The following AGTPBP1 variants were observed in gnomAD, a reference collection of about 807,000 sequenced individuals.
AGTPBP1 encodes ATP/GTP binding carboxypeptidase 1.
Under a neutral mutation model 143.9 loss-of-function variants are expected in AGTPBP1, and 70 were observed. The ratio of observed to expected loss-of-function variants is 0.49; its 90% CI spans 0.40 to 0.59. AGTPBP1 has a LOEUF of 0.59. Among genes scored for constraint, AGTPBP1 ranks in the 20% least tolerant of loss-of-function variants. The probability of loss-of-function intolerance (pLI) is 0.00; values close to 1 mark genes in which losing one functional copy is unlikely to be tolerated. For missense variants in AGTPBP1, 1,229 were observed against 1,464.5 expected (o/e 0.84, Z 2.62); for synonymous variants, 463 against 500.2 (o/e 0.93, Z 0.99).
intron 13 of AGTPBP1, among the ~76,000 whole-genome samples, chr9:85,637,704 T>C (rs1294123317): frequency 2.0e-5 from 3 of 152,208 alleles, no homozygotes. Flanking sequence ...TGACAAGAAA[T>C]ATTTCTGTCT....
At chr9:85,800,041 G>A in the AGTPBP1 span, among the ~76,000 whole-genome samples, 1 of 152,128 alleles carries the variant, frequency 6.6e-6, no homozygotes, top group Non-Finnish European at 1.5e-5. Context: ...AGCATTCCAG[G>A]ATCTGAATTT....
In AGTPBP1 at chr9:85,589,428, T is replaced by C. The variant is rs1828816755; in HGVS notation, c.2722+100A>G. On this transcript the variant is annotated intron_variant, in intron 20 of 25. Coordinates refer to ENST00000357081, the MANE Select transcript of AGTPBP1 (RefSeq NM_001330701.2). Reference sequence around the variant, plus strand: ...GGCCAAGACTAGAGCCCAAGTCTTCTGATGTCTGTTCCTATTATCATTTCC... The same window carrying C: ...GGCCAAGACTAGAGCCCAAGTCTTCCGATGTCTGTTCCTATTATCATTTCC... The C allele has an allele frequency of 2.1e-6, 3 of 1,433,418 alleles. No individual in the cohort carries two copies. The African/African-American group carries it at 4.3e-5, about 21-fold the overall frequency. The allele number at this position is 1,433,418 out of a possible 1,614,324, so 88.8% of individuals were successfully genotyped here.
chr9:85,704,674 A>G (rs1052313256), intron 2 of AGTPBP1, among the ~76,000 whole-genome samples: 16 of 152,232 alleles, frequency 1.1e-4, no homozygotes, highest in Non-Finnish European at 1.5e-5. Flanking sequence ...GAATACAAAA[A>G]TGTCCAGGAC....
chr9:85,689,258 C>T (rs748622074), intron 3 of AGTPBP1, among the ~76,000 whole-genome samples: 8 of 152,096 alleles, frequency 5.3e-5, no homozygotes, highest in Non-Finnish European at 1.0e-4. Context: ...GCCCACAAAG[C>T]CTAAAATATG....
chr9:85,681,449 C>G (rs1472310471), intron 3 of AGTPBP1, 114 bp from the exon 4 acceptor site: 1 of 799,866 alleles, frequency 1.3e-6, no homozygotes, highest in African/African-American at 1.7e-5. Context: ...AGTAAACACT[C>G]TAACTTGGTT....
At chr9:85,655,358 TG>T in intron 10 of AGTPBP1, 38 bp from the exon 11 acceptor site, 1 of 1,463,222 alleles carries the variant, frequency 6.8e-7, no homozygotes, top group Non-Finnish European at 9.1e-7. Context: ...AGAATGTTTT[TG>T]ATGAATAACT....
intron 7 of AGTPBP1, 82 bp downstream of exon 7, chr9:85,672,468 G>A: frequency 1.4e-6 from 2 of 1,436,212 alleles, no homozygotes; most frequent in South Asian, 2.5e-5. Context: ...AATATCAGAG[G>A]TTTACAGAAT....
intron 17 of AGTPBP1, among the ~76,000 whole-genome samples, chr9:85,597,825 T>C (rs1439653306): frequency 6.6e-6 from 1 of 152,162 alleles, no homozygotes; most frequent in African/African-American, 2.4e-5. Context: ...TTGAACTATC[T>C]TTGCATTCTA....
the AGTPBP1 span, among the ~76,000 whole-genome samples, chr9:85,794,301 C>A: frequency 6.6e-6 from 1 of 152,140 alleles, no homozygotes; most frequent in African/African-American, 2.4e-5. Context: ...TTAAGTCTTA[C>A]ATTTGGGTCT....
At chr9:85,714,696 C>T (rs1203254481) in intron 1 of AGTPBP1, among the ~76,000 whole-genome samples, 1 of 152,090 alleles carries the variant, frequency 6.6e-6, no homozygotes, top group African/African-American at 2.4e-5. Context: ...GAATCTACAC[C>T]TTAATGTGTC....
chr9:85,608,399 G>C (rs1830111731), intron 17 of AGTPBP1, among the ~76,000 whole-genome samples: 1 of 151,880 alleles, frequency 6.6e-6, no homozygotes, highest in African/African-American at 2.4e-5. Flanking sequence ...GAATAAGATA[G>C]AACAATTGAA....
intron 1 of AGTPBP1, among the ~76,000 whole-genome samples, chr9:85,732,214 T>A (rs1480839540): frequency 6.2e-5 from 9 of 144,116 alleles, no homozygotes; most frequent in African/African-American, 2.1e-4. Flanking sequence ...ATGACCCTTT[T>A]TTTTTTTTTT....
At chr9:85,737,147 T>C (rs1355467050) in intron 1 of AGTPBP1, among the ~76,000 whole-genome samples, 1 of 152,166 alleles carries the variant, frequency 6.6e-6, no homozygotes, top group Non-Finnish European at 1.5e-5. Context: ...CCAATGTCAC[T>C]TAAGAATGTC....
chr9:85,766,762 A>G, the AGTPBP1 span, among the ~76,000 whole-genome samples: 4 of 152,168 alleles, frequency 2.6e-5, no homozygotes, highest in Non-Finnish European at 2.9e-5. Flanking sequence ...TAATATTCCA[A>G]ATAGATCTGT....
chr9:85,626,754 A>G (rs1355928708), intron 14 of AGTPBP1, among the ~76,000 whole-genome samples: 1 of 152,304 alleles, frequency 6.6e-6, no homozygotes, highest in East Asian at 1.9e-4. Flanking sequence ...TGGTAGCACA[A>G]AAACAGTCAT....
At chr9:85,735,495 C>T (rs1363543614) in intron 1 of AGTPBP1, among the ~76,000 whole-genome samples, 1 of 152,114 alleles carries the variant, frequency 6.6e-6, no homozygotes, top group African/African-American at 2.4e-5. Flanking sequence ...TACTTGATGC[C>T]ACTAAACTAC....
the AGTPBP1 span, chr9:85,770,189 T>C: frequency 6.3e-6 from 5 of 787,562 alleles, no homozygotes; most frequent in Non-Finnish European, 1.0e-5. Context: ...AGTGGTAATA[T>C]CCATTAGACT....
intron 13 of AGTPBP1, among the ~76,000 whole-genome samples, chr9:85,637,063 CAG>C (rs1168132559): frequency 7.9e-6 from 1 of 126,236 alleles, no homozygotes; most frequent in Non-Finnish European, 1.6e-5. Flanking sequence ...TTTTTTTAGA[CAG>C]AGTTTCGCTC....
At chr9:85,683,333 A>G (rs1835303416) in intron 3 of AGTPBP1, among the ~76,000 whole-genome samples, 1 of 152,214 alleles carries the variant, frequency 6.6e-6, no homozygotes, top group African/African-American at 2.4e-5. Flanking sequence ...ACATTGTTTC[A>G]AATATCTAAT....
Sources: allele counts gnomAD v4.1 joint callset (sites outside exome capture counted in the v4.1 genomes callset), GRCh38; gene constraint gnomAD v4.1.1; transcripts MANE v1.5; gene names NCBI Gene and HGNC (gene_info 2026-07-23, HGNC 2026-07-21).